Variants in SGCZ observed in about 807,000 individuals in gnomAD.
SGCZ encodes the protein zeta-sarcoglycan.
A neutral mutation model predicts 41.3 loss-of-function variants in SGCZ; 40 were observed. The observed-to-expected ratio is 0.97, with a 90% confidence interval of 0.75 to 1.26. The LOEUF is 1.26. Ranked by LOEUF, SGCZ falls within the 50% of genes most tolerant of loss-of-function variation. The pLI, the probability that SGCZ is intolerant of heterozygous loss-of-function variation, is 0.00. For missense variants in SGCZ, 552 were observed against 369.8 expected, an observed-to-expected ratio of 1.49 and a Z score of -4.04; for synonymous variants, 206 against 137.5, an observed-to-expected ratio of 1.50 and a Z score of -3.49.
intron 3 of SGCZ, among the ~76,000 whole-genome samples, chr8:14,246,303 G>A (rs77082892): frequency 0.67 from 101,606 of 151,860 alleles, 34,390 homozygotes; most frequent in South Asian, 0.78. Context: ...GTAGGGACAC[G>A]GATGAAACTG....
chr8:14,243,795 G>A (rs571309270), intron 3 of SGCZ, among the ~76,000 whole-genome samples: 3 of 152,150 alleles, frequency 2.0e-5, no homozygotes, highest in Non-Finnish European at 4.4e-5. Flanking sequence ...CTCCTCCAGA[G>A]TTAAAATTCA....
At chr8:14,721,545 G>A (rs1809887496) in intron 1 of SGCZ, among the ~76,000 whole-genome samples, 1 of 152,056 alleles carries the variant, frequency 6.6e-6, no homozygotes, top group East Asian at 1.9e-4. Flanking sequence ...AATCCCACTG[G>A]CCTTTAAAGT....
chr8:14,545,114 C>T (rs913693808), intron 2 of SGCZ, among the ~76,000 whole-genome samples: 4 of 152,058 alleles, frequency 2.6e-5, no homozygotes, highest in Non-Finnish European at 2.9e-5. Context: ...TCTCAGCCGG[C>T]TGACACTTAT....
chr8:14,794,645 T>G (rs1335195663), intron 1 of SGCZ, among the ~76,000 whole-genome samples: 1 of 152,180 alleles, frequency 6.6e-6, no homozygotes, highest in Non-Finnish European at 1.5e-5. Flanking sequence ...TCAGAATGTT[T>G]TGTAAAATTT....
intron 2 of SGCZ, among the ~76,000 whole-genome samples, chr8:14,440,715 ACG>A (rs1409971184): frequency 2.5e-5 from 2 of 80,240 alleles, no homozygotes; most frequent in African/African-American, 3.9e-5. Flanking sequence ...GTATATACAT[ACG>A]TATACACGTA....
intron 1 of SGCZ, among the ~76,000 whole-genome samples, chr8:14,810,797 G>A (rs1263670044): frequency 6.6e-6 from 1 of 151,902 alleles, no homozygotes; most frequent in Admixed American, 6.6e-5. Context: ...TTATTTACTT[G>A]TTTGTTTATT....
intron 7 of SGCZ, among the ~76,000 whole-genome samples, chr8:14,100,888 A>C (rs910935757): frequency 1.2e-4 from 18 of 152,014 alleles, no homozygotes; most frequent in Non-Finnish European, 2.4e-4. Flanking sequence ...TTTCTTCTCA[A>C]TTTGACCTTT....
At chr8:14,929,360 G>A (rs1346254543) in intron 1 of SGCZ, among the ~76,000 whole-genome samples, 2 of 152,148 alleles carry the variant, frequency 1.3e-5, no homozygotes, top group Non-Finnish European at 2.9e-5. Flanking sequence ...AGAGGCATAT[G>A]CTTTAGATAT....
chr8:15,080,844 G>A (rs1160546041), intron 1 of SGCZ, among the ~76,000 whole-genome samples: 2 of 151,960 alleles, frequency 1.3e-5, no homozygotes, highest in Non-Finnish European at 2.9e-5. Context: ...CGCCCACCTT[G>A]GCCTCCCAAA....
At position 14,324,083 on chromosome 8, in the gene SGCZ, C is replaced by A; in HGVS notation, c.336+20G>T. The A allele has an allele frequency of 6.5e-7, 1 of 1,543,116 alleles. No individual in the cohort carries two copies. Among genetic ancestry groups the A allele is most frequent in the Non-Finnish European group, 8.9e-7 (1 of 1,118,156 alleles). On this transcript the variant is annotated intron_variant, in intron 3 of 7. Coordinates refer to ENST00000382080, the MANE Select transcript of SGCZ (RefSeq NM_139167.4). The stretch of plus-strand genomic sequence containing the variant: ...CCTCTAAATTATCTTTTAGAGTAAG[C>A]CAAAGCCAGTATCACATACCTTTCG...
intron 1 of SGCZ, among the ~76,000 whole-genome samples, chr8:14,643,413 A>T (rs919926571): frequency 6.6e-5 from 10 of 151,668 alleles, no homozygotes; most frequent in African/African-American, 2.4e-4. Flanking sequence ...TAATTTAAAA[A>T]TTTGCTTAAT....
chr8:14,404,970 C>A (rs944910719), intron 2 of SGCZ, among the ~76,000 whole-genome samples: 20 of 152,316 alleles, frequency 1.3e-4, no homozygotes, highest in African/African-American at 4.1e-4. Flanking sequence ...GGTTGCAGAT[C>A]TGGCCAGGTG....
At chr8:15,003,474 T>C (rs1802497637) in intron 1 of SGCZ, among the ~76,000 whole-genome samples, 1 of 152,150 alleles carries the variant, frequency 6.6e-6, no homozygotes, top group Admixed American at 6.5e-5. Context: ...ATAAGGTGAT[T>C]GATAAAAAAT....
chr8:14,428,133 CAT>C (rs1317674347), intron 2 of SGCZ, among the ~76,000 whole-genome samples: 825 of 12,526 alleles, frequency 0.066, 5 homozygotes, highest in African/African-American at 0.19. Context: ...CACACACACA[CAT>C]ATATATATAT....
intron 1 of SGCZ, among the ~76,000 whole-genome samples, chr8:15,148,685 A>T (rs1471785458): frequency 6.6e-6 from 1 of 152,182 alleles, no homozygotes; most frequent in Non-Finnish European, 1.5e-5. Flanking sequence ...TCACCCTTTC[A>T]AGTTTCTCAG....
At chr8:14,265,925 C>T (rs956811347) in intron 3 of SGCZ, among the ~76,000 whole-genome samples, 3 of 151,504 alleles carry the variant, frequency 2.0e-5, no homozygotes, top group Non-Finnish European at 4.4e-5. Context: ...TTTGAAAACA[C>T]ACAGTCAGAA....
chr8:14,885,328 G>A (rs1004401580), intron 1 of SGCZ, among the ~76,000 whole-genome samples: 2 of 152,140 alleles, frequency 1.3e-5, no homozygotes, highest in Non-Finnish European at 2.9e-5. Context: ...TACGGTTCTG[G>A]TTAGAGTAGT....
chr8:14,153,799 A>T (rs1045318563), intron 5 of SGCZ, among the ~76,000 whole-genome samples: 2 of 152,098 alleles, frequency 1.3e-5, no homozygotes, highest in Admixed American at 1.3e-4. Context: ...AAGATGGCAT[A>T]TTGAGAGACA....
intron 5 of SGCZ, among the ~76,000 whole-genome samples, chr8:14,160,479 T>C (rs1334746510): frequency 6.6e-6 from 1 of 152,118 alleles, no homozygotes; most frequent in Non-Finnish European, 1.5e-5. Context: ...GAATACAAAA[T>C]AAAAATATAG....
Sources: gnomAD v4.1 joint callset for allele counts (sites outside exome capture counted in the v4.1 genomes callset) on GRCh38, gnomAD v4.1.1 for gene constraint, MANE v1.5 for transcripts, NCBI Gene and HGNC (gene_info 2026-07-23, HGNC 2026-07-21) for gene names.